Variants in PUM2 observed in about 807,000 individuals in gnomAD.
PUM2 encodes the protein pumilio homolog 2.
PUM2 carries 57 observed loss-of-function variants against 124.5 expected under a neutral mutation model. That is an observed-to-expected ratio of 0.46 (90% CI 0.37 to 0.57). The LOEUF (loss-of-function observed/expected upper bound fraction) is 0.57. Among genes scored for constraint, PUM2 ranks in the 20% least tolerant of loss-of-function variants. The probability of loss-of-function intolerance (pLI) is 0.00; values close to 1 mark genes in which losing one functional copy is unlikely to be tolerated. For missense variants in PUM2, 1,065 were observed against 1,290.6 expected (o/e 0.83, Z 2.68); for synonymous variants, 460 against 446.1 (o/e 1.03, Z -0.39).
intron 16 of PUM2, among the ~76,000 whole-genome samples, chr2:20,257,120 T>TA (rs1232448128): frequency 1.2e-4 from 18 of 150,766 alleles, no homozygotes; most frequent in South Asian, 2.1e-4. Flanking sequence ...AACAAAGACT[T>TA]ACTGCTAATG....
Position 20,292,301 on chromosome 2 carries a change from T to C in PUM2, c.1153-1511A>G, listed in dbSNP as rs570804517. 3.3e-5 allele frequency among the ~76,000 whole-genome samples: 5 copies of C among 151,678 alleles called. No homozygotes were observed. The East Asian group carries it at 9.7e-4, about 30-fold the overall frequency. ...CCCATGGCTGACAGTTGGTAGTTTT[T>C]TTTTTTTTTTTCCCCAAAGATTTGT... is the stretch of plus-strand genomic sequence containing the variant. On this transcript the variant is annotated intron_variant, in intron 9 of 20. Transcript: ENST00000361078.
intron 1 of PUM2, among the ~76,000 whole-genome samples, chr2:20,332,515 G>A (rs973865894): frequency 4.6e-5 from 7 of 151,810 alleles, no homozygotes; most frequent in African/African-American, 1.7e-4. Flanking sequence ...GGAGAAATTG[G>A]GCAAGACAAT....
intron 12 of PUM2, among the ~76,000 whole-genome samples, chr2:20,279,731 A>G (rs1240840492): frequency 6.6e-6 from 1 of 152,188 alleles, no homozygotes; most frequent in Non-Finnish European, 1.5e-5. Context: ...TGAGCTATAC[A>G]TGCTCAGAAG....
At chr2:20,262,469 G>C (rs1666540824) in intron 14 of PUM2, among the ~76,000 whole-genome samples, 1 of 152,230 alleles carries the variant, frequency 6.6e-6, no homozygotes, top group Non-Finnish European at 1.5e-5. Context: ...TAGGTGTGTA[G>C]TAGGCTATGC....
At chr2:20,350,379 C>T in intron 1 of PUM2, 1 of 768,306 alleles carries the variant, frequency 1.3e-6, no homozygotes. Context: ...AAGCGGCCGG[C>T]GCGGCGCCCC....
At chr2:20,275,830 A>T (rs371869220) in intron 13 of PUM2, among the ~76,000 whole-genome samples, 1 of 152,094 alleles carries the variant, frequency 6.6e-6, no homozygotes, top group African/African-American at 2.4e-5. Flanking sequence ...ATAAATGGAA[A>T]GGGAAAAAAA....
intron 1 of PUM2, among the ~76,000 whole-genome samples, chr2:20,328,485 A>C (rs1056473646): frequency 2.6e-5 from 4 of 152,228 alleles, no homozygotes; most frequent in Admixed American, 1.3e-4. Flanking sequence ...GACCTAAAGG[A>C]AAAAGTCAAT....
At chr2:20,334,868 C>T (rs940419613) in intron 1 of PUM2, among the ~76,000 whole-genome samples, 36 of 152,252 alleles carry the variant, frequency 2.4e-4, no homozygotes, top group African/African-American at 7.7e-4. Context: ...TACATAAAAA[C>T]CTAGTTGAGT....
chr2:20,264,517 G>C (rs1450656868), intron 13 of PUM2, among the ~76,000 whole-genome samples: 5 of 150,426 alleles, frequency 3.3e-5, no homozygotes, highest in African/African-American at 1.2e-4. Context: ...TTCCAAGAAA[G>C]AAAATCAAAG....
intron 3 of PUM2, 107 bp downstream of exon 3, chr2:20,318,430 T>C: frequency 1.0e-6 from 1 of 962,198 alleles, no homozygotes; most frequent in South Asian, 1.6e-5. Flanking sequence ...CGCAAAACTA[T>C]ACAAAAAATG....
At chr2:20,254,234 C>T (rs1207127717) in intron 19 of PUM2, among the ~76,000 whole-genome samples, 4 of 151,942 alleles carry the variant, frequency 2.6e-5, no homozygotes, top group Admixed American at 6.6e-5. Flanking sequence ...TATCACCGCT[C>T]ACTGCAGCCT....
In PUM2 at chr2:20,261,394, C is replaced by CAAAAAAAAAAAAAAAAAA. The variant is rs200294801; in HGVS notation, c.2226-946_2226-929dup. ...AAGCGACAGAGTGAGACTCTGTCTC[C>CAAAAAAAAAAAAAAAAAA]AAAAAAAAAAAAAAAAAAAAAAAAA... On this transcript the variant is annotated intron_variant, in intron 14 of 20. Coordinates refer to ENST00000361078, the MANE Select transcript of PUM2 (RefSeq NM_015317.5). Among the ~76,000 whole-genome samples the CAAAAAAAAAAAAAAAAAA allele has an allele frequency of 7.7e-4, 59 of 76,774 alleles. 11 individuals are homozygous for CAAAAAAAAAAAAAAAAAA. Among genetic ancestry groups the CAAAAAAAAAAAAAAAAAA allele is most frequent in the African/African-American group, 1.1e-3 (20 of 17,448 alleles). 50.4% of individuals were successfully genotyped at this position (76,774 alleles called of 152,430 possible). A position where few individuals can be genotyped will look rare whatever the true frequency, so the allele number is the denominator to read the frequency against.
At position 20,308,525 on chromosome 2, in the gene PUM2, T is replaced by C. The variant is rs748291919; in HGVS notation, c.578A>G (p.Asn193Ser). ...PTEVVERLGP[N>S]TNPSEGLGPL... ...CCCCAGTCCTTCTGAGGGATTAGTA[T>C]TGGGGCCCAAGCGCTCAACTACTTC... The change falls in exon 6 of 21, where the codon AAT becomes AGT. Residue 193 changes from asparagine (N) to serine (S), a missense_variant. This residue lies in a region of PUM2 where 968 missense variants were observed against 1,159.8 expected (regional missense o/e 0.83). Coordinates refer to ENST00000361078, the MANE Select transcript of PUM2 (RefSeq NM_015317.5). The C allele has an allele frequency of 3.5e-5, 56 of 1,613,936 alleles. 1 individual carries two copies. The Admixed American group carries it at 5.8e-4, about 17-fold the overall frequency.
At chr2:20,251,806 G>T in intron 20 of PUM2, 90 bp from the exon 21 acceptor site, 4 of 1,440,702 alleles carry the variant, frequency 2.8e-6, no homozygotes, top group Non-Finnish European at 2.8e-6. Context: ...TAATTTAGAG[G>T]AATAACTGCA....
intron 1 of PUM2, among the ~76,000 whole-genome samples, chr2:20,329,939 C>T (rs1684550730): frequency 6.6e-6 from 1 of 151,784 alleles, no homozygotes; most frequent in African/African-American, 2.4e-5. Context: ...GAAATTCCCC[C>T]AAATTTAGTG....
chr2:20,314,876 G>GA (rs1011668667), intron 3 of PUM2, among the ~76,000 whole-genome samples: 3 of 149,070 alleles, frequency 2.0e-5, no homozygotes, highest in African/African-American at 7.4e-5. Context: ...AATTAGAATA[G>GA]AAAAAAGTGC....
At chr2:20,351,196 A>G (rs1689307948), upstream of PUM2, among the ~76,000 whole-genome samples, 1 of 152,064 alleles carries the variant, frequency 6.6e-6, no homozygotes, top group Non-Finnish European at 1.5e-5. Flanking sequence ...CCGGTTGCTC[A>G]CTGTTTTCCC....
At chr2:20,329,174 C>CAAAA (rs769818181) in intron 1 of PUM2, among the ~76,000 whole-genome samples, 3 of 63,110 alleles carry the variant, frequency 4.8e-5, no homozygotes, top group South Asian at 9.9e-4. Flanking sequence ...ACCCTGTCTC[C>CAAAA]AAAAAAAAAA....
In PUM2 at chr2:20,327,272, A is replaced by C. The variant is rs768453826; in HGVS notation, c.51+38T>G. On this transcript the variant is annotated intron_variant, in intron 2 of 20. Coordinates refer to ENST00000361078, the MANE Select transcript of PUM2 (RefSeq NM_015317.5). Reference sequence around the variant, plus strand: ...AAATAAGTTACAATGGCTCAAAATAAAGTGAGGTGTAAGTTCTTAGTATTT... The same window carrying C: ...AAATAAGTTACAATGGCTCAAAATACAGTGAGGTGTAAGTTCTTAGTATTT... 5 of 1,362,598 alleles carry C rather than the reference A, an allele frequency of 3.7e-6. No individual in the cohort carries two copies. In the African/African-American group the frequency reaches 5.9e-5, roughly 16 times the overall value. The allele number at this position is 1,362,598 out of a possible 1,614,324, so 84.4% of individuals were successfully genotyped here.
Sources: allele counts gnomAD v4.1 joint callset (sites outside exome capture counted in the v4.1 genomes callset), GRCh38; gene constraint gnomAD v4.1.1; regional missense constraint gnomAD v4.1.1; transcripts MANE v1.5; gene names NCBI Gene and HGNC (gene_info 2026-07-23, HGNC 2026-07-21).